Variants in MAPT observed in about 807,000 individuals in gnomAD.
MAPT encodes the protein microtubule associated protein tau, also known as microtubule-associated protein tau.
Under a neutral mutation model 67.9 loss-of-function variants are expected in MAPT, and 34 were observed. The ratio of observed to expected loss-of-function variants is 0.50; its 90% CI spans 0.38 to 0.67. The LOEUF (loss-of-function observed/expected upper bound fraction) is 0.67. Ranked by LOEUF, MAPT falls within the 30% of genes least tolerant of loss-of-function variation. The probability of loss-of-function intolerance (pLI) is 0.00; values close to 1 mark genes in which losing one functional copy is unlikely to be tolerated. For synonymous variants in MAPT, 456 were observed against 464.5 expected (o/e 0.98, Z 0.23); for missense variants, 881 against 1,115.2 (o/e 0.79, Z 2.99).
At chr17:45,949,331 C>A (rs1245062223) in intron 1 of MAPT, among the ~76,000 whole-genome samples, 1 of 152,226 alleles carries the variant, frequency 6.6e-6, no homozygotes, top group African/African-American at 2.4e-5. Context: ...GTCCAGGTCC[C>A]CAGCTTGATG....
In MAPT at chr17:45,930,512, C is replaced by T. The variant is rs181951296; in HGVS notation, c.-17-31809C>T. Among the ~76,000 whole-genome samples the T allele has an allele frequency of 1.8e-4, 28 of 152,112 alleles. No homozygotes were observed. In the East Asian group the frequency reaches 5.2e-3, roughly 28 times the overall value. On this transcript the variant is annotated intron_variant, in intron 1 of 12. Coordinates refer to ENST00000262410, the MANE Select transcript of MAPT (RefSeq NM_001377265.1). ...TGATTTTGCTTCATGGCAGGACAGC[C>T]GGAAGAAGTGGGATTATATCCTCAC...
intron 1 of MAPT, among the ~76,000 whole-genome samples, chr17:45,959,573 C>T (rs1002634715): frequency 1.3e-5 from 2 of 151,894 alleles, no homozygotes; most frequent in African/African-American, 2.4e-5. Context: ...TTTGGGAGGC[C>T]GAGGCAGGCA....
chr17:45,939,335 G>A (rs1306901833), intron 1 of MAPT, among the ~76,000 whole-genome samples: 1 of 152,150 alleles, frequency 6.6e-6, no homozygotes, highest in African/African-American at 2.4e-5. Flanking sequence ...GAGGATACAA[G>A]TAACCCGGGT....
At chr17:45,937,947 G>C (rs2067500217) in intron 1 of MAPT, among the ~76,000 whole-genome samples, 1 of 152,190 alleles carries the variant, frequency 6.6e-6, no homozygotes, top group Admixed American at 6.5e-5. Flanking sequence ...TTACTGGGCA[G>C]GCTTGGGGGA....
intron 9 of MAPT, among the ~76,000 whole-genome samples, chr17:46,008,223 A>G (rs1459773719): frequency 6.6e-6 from 1 of 152,092 alleles, no homozygotes; most frequent in Non-Finnish European, 1.5e-5. Flanking sequence ...CAACCTCCCG[A>G]GTAGCTGGGT....
intron 8 of MAPT, among the ~76,000 whole-genome samples, chr17:45,992,508 G>A (rs1051354071): frequency 6.6e-6 from 1 of 152,220 alleles, no homozygotes. Context: ...TGGGCCCGTT[G>A]CCCTGGGCTC....
intron 1 of MAPT, among the ~76,000 whole-genome samples, chr17:45,961,555 A>G (rs2070412016): frequency 6.6e-6 from 1 of 152,190 alleles, no homozygotes; most frequent in Non-Finnish European, 1.5e-5. Flanking sequence ...GCCAGTTGAC[A>G]TCTGATTGAA....
chr17:45,997,284 G>A (rs1179740925), intron 9 of MAPT, among the ~76,000 whole-genome samples: 1 of 152,126 alleles, frequency 6.6e-6, no homozygotes, highest in Non-Finnish European at 1.5e-5. Flanking sequence ...GTGCGTTAGG[G>A]CTGACATACA....
In MAPT at chr17:45,995,446, G is replaced by A. The variant is rs981942149; in HGVS notation, c.1733-953G>A. 2.6e-5 allele frequency among the ~76,000 whole-genome samples: 4 copies of A among 152,178 alleles called. No individual in the cohort carries two copies. Among genetic ancestry groups the A allele is most frequent in the East Asian group, 1.9e-4 (1 of 5,206 alleles). ...TCCCACTTTCCTCCTTGAAAGCTCC[G>A]GAGATTCTGACGCAGGGTTCCGTGG... On this transcript the variant is annotated intron_variant, in intron 8 of 12. Transcript: ENST00000262410. This position sits in a 1 kb window ranked among gnomAD's most constrained non-coding sequence, Gnocchi z 4.3.
chr17:45,949,837 G>A (rs2068881250), intron 1 of MAPT, among the ~76,000 whole-genome samples: 1 of 152,164 alleles, frequency 6.6e-6, no homozygotes, highest in Non-Finnish European at 1.5e-5. Context: ...GCAGGTGGAG[G>A]AAGGCGGATT....
At chr17:45,947,805 C>T (rs1568217540) in intron 1 of MAPT, among the ~76,000 whole-genome samples, 2 of 152,114 alleles carry the variant, frequency 1.3e-5, no homozygotes, top group Admixed American at 6.6e-5. Flanking sequence ...CCCTTAACCC[C>T]TCCACATTTC....
chr17:45,972,184 G>A lies in MAPT; in HGVS notation c.220+239G>A, dbSNP rs17651093. The stretch of plus-strand genomic sequence containing the variant: ...GAGGCAGCCACCCTTGGACAGTCCC[G>A]CGCACAGCTCCACAAAGCCCCGCTC... On this transcript the variant is annotated intron_variant, in intron 3 of 12. Transcript: ENST00000262410. The A allele has an allele frequency of 0.16, 109,883 of 673,496 alleles. 11,249 individuals are homozygous for A. Among genetic ancestry groups the A allele is most frequent in the Non-Finnish European group, 0.22 (79,695 of 368,136 alleles). The allele number at this position is 673,496 out of a possible 1,614,324, so 41.7% of individuals were successfully genotyped here.
chr17:45,999,489 G>A, intron 9 of MAPT: 1 of 1,613,898 alleles, frequency 6.2e-7, no homozygotes, highest in South Asian at 1.1e-5. Context: ...TGGAAGGTGT[G>A]GGCACCATTT....
Position 45,915,618 on chromosome 17 carries a change from G to A in MAPT, c.-18+20932G>A, listed in dbSNP as rs9899853. 6.6e-6 allele frequency among the ~76,000 whole-genome samples: 1 copy of A among 151,956 alleles called. No individual in the cohort carries two copies. The highest frequency in any genetic ancestry group is 2.4e-5 in the African/African-American group (1 of 41,346). On this transcript the variant is annotated intron_variant, in intron 1 of 12. Transcript: ENST00000262410. The surrounding 1 kb of genome is among the most constrained non-coding windows in gnomAD (Gnocchi z 4.4). ...GCATTGTGTCTGTGAGCATGTGTGAGTGTGTGTGTGTTCAGCATATATAAG... is the reference window on the plus strand; with the variant it reads ...GCATTGTGTCTGTGAGCATGTGTGAATGTGTGTGTGTTCAGCATATATAAG...
At chr17:45,909,612 C>T (rs1444200860) in intron 1 of MAPT, among the ~76,000 whole-genome samples, 2 of 152,106 alleles carry the variant, frequency 1.3e-5, no homozygotes, top group Non-Finnish European at 2.9e-5. Flanking sequence ...TGGCTCATGC[C>T]TGTAATCCCA....
intron 1 of MAPT, among the ~76,000 whole-genome samples, chr17:45,927,284 G>A (rs564912630): frequency 2.6e-5 from 4 of 152,162 alleles, no homozygotes; most frequent in African/African-American, 9.7e-5. Context: ...GTCCTTAGAT[G>A]TTGGGGAAGG....
chr17:45,905,256 A>G (rs746421647), intron 1 of MAPT, among the ~76,000 whole-genome samples: 3 of 152,238 alleles, frequency 2.0e-5, no homozygotes, highest in Non-Finnish European at 2.9e-5. Context: ...GGATAATCCT[A>G]TAGGGATAAC....
Position 46,010,231 on chromosome 17 carries a change from C to A in MAPT, c.1999-79C>A, listed in dbSNP as rs1178514679. On this transcript the variant is annotated intron_variant, in intron 9 of 12. Coordinates refer to ENST00000262410, the MANE Select transcript of MAPT (RefSeq NM_001377265.1). The surrounding 1 kb of genome is among the most constrained non-coding windows in gnomAD (Gnocchi z 4.7). ...GTCCAGGGTGGCGCATGTCACTCAT[C>A]GAAAGTGGAGGCGTCCTTGCGAGCA... 5.2e-6 allele frequency: 5 copies of A among 960,968 alleles called. No homozygotes were observed. The highest frequency in any genetic ancestry group is 1.4e-5 in the South Asian group (1 of 72,292). 59.5% of individuals were successfully genotyped at this position (960,968 alleles called of 1,614,324 possible).
At chr17:45,920,558 G>A (rs1426381964) in intron 1 of MAPT, among the ~76,000 whole-genome samples, 1 of 152,164 alleles carries the variant, frequency 6.6e-6, no homozygotes, top group Admixed American at 6.5e-5. Context: ...CCTTCTGCCT[G>A]GCAGCTCCAA....
Sources: gnomAD v4.1 joint callset for allele counts (sites outside exome capture counted in the v4.1 genomes callset) on GRCh38, gnomAD v4.1.1 for gene constraint, Gnocchi (gnomAD v3.1) non-coding constraint, MANE v1.5 for transcripts, NCBI Gene and HGNC (gene_info 2026-07-23, HGNC 2026-07-21) for gene names.